Variants in AQP7 observed in about 807,000 individuals in gnomAD.
The protein encoded by AQP7 is aquaporin-7.
Under a neutral mutation model 26.1 loss-of-function variants are expected in AQP7, and 22 were observed. The ratio of observed to expected loss-of-function variants is 0.84; its 90% CI spans 0.60 to 1.20. The LOEUF (loss-of-function observed/expected upper bound fraction) is 1.20. Ranked by LOEUF, AQP7 falls within the 50% of genes most tolerant of loss-of-function variation. The probability of loss-of-function intolerance (pLI) is 0.00; values close to 1 mark genes in which losing one functional copy is unlikely to be tolerated. For synonymous variants in AQP7, 167 were observed against 181.7 expected (o/e 0.92, Z 0.65); for missense variants, 412 against 457.5 (o/e 0.90, Z 0.91).
chr9:33,401,415 C>T, intron 1 of AQP7, 128 bp from the exon 2 acceptor site: 3 of 767,558 alleles, frequency 3.9e-6, no homozygotes, highest in Middle Eastern at 3.7e-4. Flanking sequence ...CTTAACCCAG[C>T]CAAGGAACAG....
At chr9:33,397,665 A>G (rs1278706287) in intron 2 of AQP7, among the ~76,000 whole-genome samples, 1 of 151,622 alleles carries the variant, frequency 6.6e-6, no homozygotes. Context: ...TGCTGCTGTG[A>G]GGTCAGGGGA....
intron 3 of AQP7, among the ~76,000 whole-genome samples, chr9:33,393,481 A>G (rs1434671631): frequency 6.6e-6 from 1 of 152,126 alleles, no homozygotes; most frequent in African/African-American, 2.4e-5. Context: ...GGGCCCCACC[A>G]CACACACAAA....
At position 33,386,176 on chromosome 9, in the gene AQP7, C is replaced by T. The variant is rs764994935; in HGVS notation, c.426G>A (p.Ser142=). ...SLFYTAILHF[S]GGQLMVTGPV... ...GACCGGTCACCATCAGCTGTCCACCCGAAAAGTGGAGAATGGCCGCTGCGG... is the reference window on the plus strand; with the variant it reads ...GACCGGTCACCATCAGCTGTCCACCTGAAAAGTGGAGAATGGCCGCTGCGG... The change falls in exon 6 of 8, where the codon TCG becomes TCA. Residue 142 remains serine (S), a synonymous_variant. Coordinates refer to ENST00000297988, the MANE Select transcript of AQP7 (RefSeq NM_001170.3). 17 of 1,613,950 alleles carry T rather than the reference C, an allele frequency of 1.1e-5. No individual in the cohort carries two copies. The East Asian group carries it at 1.3e-4, about 13-fold the overall frequency.
At chr9:33,386,230 C>G in intron 5 of AQP7, 35 bp from the exon 6 acceptor site, 1 of 1,612,690 alleles carries the variant, frequency 6.2e-7, no homozygotes, top group Admixed American at 1.7e-5. Flanking sequence ...GAACCTGCTC[C>G]CAACTAAGCC....
intron 3 of AQP7, 53 bp downstream of exon 3, chr9:33,395,025 T>A: frequency 6.8e-7 from 1 of 1,481,322 alleles, no homozygotes; most frequent in Non-Finnish European, 9.4e-7. Flanking sequence ...GGGGAGGGGG[T>A]CATGGACGGC....
At chr9:33,386,644 G>C (rs956353184) in intron 4 of AQP7, 103 bp from the exon 5 acceptor site, 44 of 1,421,486 alleles carry the variant, frequency 3.1e-5, no homozygotes, top group African/African-American at 4.3e-5. Flanking sequence ...AGCATGCTCC[G>C]TGACAGAGCT....
intron 3 of AQP7, among the ~76,000 whole-genome samples, chr9:33,387,758 G>A (rs1289318200): frequency 6.6e-6 from 1 of 151,992 alleles, no homozygotes; most frequent in Non-Finnish European, 1.5e-5. Flanking sequence ...CTTCAGCCCT[G>A]GCTCCTGTGC....
chr9:33,385,886 G>T lies in AQP7; in HGVS notation c.526-20C>A, dbSNP rs78524516. On this transcript the variant is annotated intron_variant, in intron 6 of 7. Transcript: ENST00000297988. ...CCACGCCTGAGGAGCAGATGCTGTG[G>T]CAGCTCACCTGGGCCCCTCCCCAAG... 3,032 of 1,596,384 alleles carry T rather than the reference G, an allele frequency of 1.9e-3. 76 individuals are homozygous for T. In the East Asian group the frequency reaches 0.052, roughly 27 times the overall value.
At chr9:33,389,179 C>T (rs1343476192) in intron 3 of AQP7, among the ~76,000 whole-genome samples, 1 of 152,290 alleles carries the variant, frequency 6.6e-6, no homozygotes, top group South Asian at 2.1e-4. Flanking sequence ...AGGTGCACGC[C>T]ACCATGCCCA....
intron 3 of AQP7, among the ~76,000 whole-genome samples, chr9:33,394,758 A>T (rs1349933480): frequency 1.3e-5 from 2 of 151,964 alleles, no homozygotes. Flanking sequence ...TAAGCCTCCC[A>T]AAGTGCTGGA....
At chr9:33,388,122 C>A (rs147596598) in intron 3 of AQP7, among the ~76,000 whole-genome samples, 3 of 152,140 alleles carry the variant, frequency 2.0e-5, no homozygotes, top group African/African-American at 7.2e-5. Context: ...ATGCCTGATG[C>A]GCTAAAATTC....
chr9:33,390,681 A>AG (rs1235553076), intron 3 of AQP7, among the ~76,000 whole-genome samples: 2 of 152,048 alleles, frequency 1.3e-5, no homozygotes, highest in Non-Finnish European at 2.9e-5. Context: ...ATGGGGGTGC[A>AG]GGGGGGAGTG....
rs992656917 is a variant in AQP7 at position 33,395,421 on chromosome 9, G to A, written c.27-226C>T. The stretch of plus-strand genomic sequence containing the variant: ...GGCCAGGCCATGCCCCTTCTAGTTG[G>A]GACTGGACCAGTAAAAATGGCACAC... On this transcript the variant is annotated intron_variant, in intron 2 of 7. Coordinates refer to ENST00000297988, the MANE Select transcript of AQP7 (RefSeq NM_001170.3). 5.0e-5 allele frequency: 27 copies of A among 535,428 alleles called. No individual in the cohort carries two copies. The African/African-American group carries it at 5.2e-4, about 10-fold the overall frequency. The allele number at this position is 535,428 out of a possible 1,614,324, so 33.2% of individuals were successfully genotyped here. A position where few individuals can be genotyped will look rare whatever the true frequency, so the allele number is the denominator to read the frequency against.
chr9:33,390,387 G>C (rs1825277125), intron 3 of AQP7, among the ~76,000 whole-genome samples: 1 of 152,024 alleles, frequency 6.6e-6, no homozygotes. Flanking sequence ...TGGGTCTGGT[G>C]GTGAGAGGGA....
chr9:33,386,986 A>G lies in AQP7; in HGVS notation c.251T>C (p.Val84Ala). 2 of 1,612,018 alleles carry G rather than the reference A, an allele frequency of 1.2e-6. No homozygotes were observed. Among genetic ancestry groups the G allele is most frequent in the Non-Finnish European group, 1.7e-6 (2 of 1,179,816 alleles). Residue 84 changes from valine to alanine, a missense_variant, in exon 4 of 8, where the codon GTG (valine) becomes GCG (alanine). Val to Ala is a moderately conservative substitution (Grantham distance 64). Coordinates refer to ENST00000297988, the MANE Select transcript of AQP7 (RefSeq NM_001170.3). ...FGFGVTMGVH[V>A]AGRISGAHMN... ...TCACTCACCAGAGATGCGGCCTGCC[A>G]CGTGCACTCCCATGGTGACTCCGAA...
intron 2 of AQP7, chr9:33,400,921 G>C (rs761227845): frequency 7.2e-5 from 30 of 415,026 alleles, no homozygotes; most frequent in Non-Finnish European, 1.0e-4. Context: ...GCAAGGACTG[G>C]CTCTTGTTCA....
At chr9:33,391,166 G>A (rs1237833054) in intron 3 of AQP7, among the ~76,000 whole-genome samples, 3 of 152,200 alleles carry the variant, frequency 2.0e-5, no homozygotes, top group Admixed American at 6.5e-5. Flanking sequence ...GATTCCCTGT[G>A]TCAGGGTTGC....
Position 33,385,005 on chromosome 9 carries a change from T to G in AQP7, c.1029A>C (p.Ter343TyrextTer84), listed in dbSNP as rs1824599567. ...GGATGGGATCACAAATAATCTCTGCTTAGAAGTGCTCTAGGGCCATGGATT... is the reference window on the plus strand; with the variant it reads ...GGATGGGATCACAAATAATCTCTGCGTAGAAGTGCTCTAGGGCCATGGATT... ...LHESMALEHF[*>Y] is the part of the protein sequence containing the mutation. Residue 343 changes from the stop codon to tyrosine (Y), a stop_lost, in exon 8 of 8, where the codon TAA becomes TAC. Transcript: ENST00000297988. The G allele has an allele frequency of 1.9e-6, 3 of 1,608,008 alleles. No homozygotes were observed. The highest frequency in any genetic ancestry group is 2.5e-6 in the Non-Finnish European group (3 of 1,177,402).
chr9:33,388,373 G>A (rs1488832410), intron 3 of AQP7, among the ~76,000 whole-genome samples: 1 of 152,076 alleles, frequency 6.6e-6, no homozygotes, highest in East Asian at 1.9e-4. Flanking sequence ...ACCTCACCCA[G>A]CCTCCTCCTT....
Sources: gnomAD v4.1 joint callset for allele counts (sites outside exome capture counted in the v4.1 genomes callset) on GRCh38, gnomAD v4.1.1 for gene constraint, MANE v1.5 for transcripts, NCBI Gene and HGNC (gene_info 2026-07-23, HGNC 2026-07-21) for gene names.